ANKFN1: variants seen among roughly 807,000 people sequenced by gnomAD.
The protein encoded by ANKFN1 is ankyrin repeat and fibronectin type III domain containing 1.
Under a neutral mutation model 108.7 loss-of-function variants are expected in ANKFN1, and 74 were observed. That is an observed-to-expected ratio of 0.68 (90% CI 0.56 to 0.83). The LOEUF (loss-of-function observed/expected upper bound fraction) is 0.83. Ranked by LOEUF, ANKFN1 falls within the 40% of genes least tolerant of loss-of-function variation. The pLI, the probability that ANKFN1 is intolerant of heterozygous loss-of-function variation, is 0.00. For missense variants in ANKFN1, 1,505 were observed against 1,382.3 expected (o/e 1.09, Z -1.41); for synonymous variants, 547 against 516.2 (o/e 1.06, Z -0.81).
intron 1 of ANKFN1, among the ~76,000 whole-genome samples, chr17:56,166,729 A>G (rs988251615): frequency 6.6e-6 from 1 of 152,128 alleles, no homozygotes; most frequent in Non-Finnish European, 1.5e-5. Context: ...GAAGCTGGAC[A>G]TGACCATGCC....
intron 3 of ANKFN1, among the ~76,000 whole-genome samples, chr17:56,264,924 C>G (rs1426634041): frequency 6.6e-6 from 1 of 152,026 alleles, no homozygotes; most frequent in Non-Finnish European, 1.5e-5. Flanking sequence ...ACAGCATTAC[C>G]CTTCCCCAGC....
chr17:56,392,453 C>T (rs956029268), intron 8 of ANKFN1, among the ~76,000 whole-genome samples: 2 of 152,186 alleles, frequency 1.3e-5, no homozygotes, highest in African/African-American at 4.8e-5. Flanking sequence ...CATCTCCAGC[C>T]TTGGAGTGAA....
intron 3 of ANKFN1, among the ~76,000 whole-genome samples, chr17:56,243,565 G>A (rs1213769070): frequency 6.6e-6 from 1 of 152,116 alleles, no homozygotes; most frequent in Non-Finnish European, 1.5e-5. Flanking sequence ...CCCATCTTCA[G>A]ATACCTACTT....
chr17:56,111,224 C>G (rs1347206519), intron 4 of ANKFN1, among the ~76,000 whole-genome samples: 1 of 152,308 alleles, frequency 6.6e-6, no homozygotes, highest in East Asian at 1.9e-4. Flanking sequence ...GCTTGGGGCC[C>G]ATTCACACCC....
intron 3 of ANKFN1, among the ~76,000 whole-genome samples, chr17:56,294,962 T>G (rs2044464887): frequency 6.6e-6 from 1 of 152,200 alleles, no homozygotes; most frequent in South Asian, 2.1e-4. Context: ...GAAAATCCAA[T>G]TTCTGTGACA....
At chr17:56,289,042 C>A (rs1032709331) in intron 3 of ANKFN1, among the ~76,000 whole-genome samples, 1 of 152,116 alleles carries the variant, frequency 6.6e-6, no homozygotes, top group Non-Finnish European at 1.5e-5. Context: ...GGAAAGAAAC[C>A]CACTCAACCT....
At chr17:56,165,784 T>C (rs1910085480) in intron 1 of ANKFN1, among the ~76,000 whole-genome samples, 1 of 152,180 alleles carries the variant, frequency 6.6e-6, no homozygotes, top group Non-Finnish European at 1.5e-5. Context: ...TCAACATCAC[T>C]TTCCAGAACA....
chr17:56,310,173 C>G (rs772805381), intron 3 of ANKFN1, among the ~76,000 whole-genome samples: 6 of 152,198 alleles, frequency 3.9e-5, no homozygotes, highest in Non-Finnish European at 2.9e-5. Flanking sequence ...AAGATTTCAT[C>G]ATGCTACCCA....
chr17:56,149,463 A>T (rs116640506), upstream of ANKFN1, among the ~76,000 whole-genome samples: 3,708 of 152,278 alleles, frequency 0.024, 137 homozygotes, highest in African/African-American at 0.084. Flanking sequence ...AGGTACAGTC[A>T]CAGTATCATC....
chr17:56,159,812 G>T (rs1462941314), intron 1 of ANKFN1, among the ~76,000 whole-genome samples: 1 of 152,164 alleles, frequency 6.6e-6, no homozygotes, highest in Non-Finnish European at 1.5e-5. Flanking sequence ...AGAGAGAAAT[G>T]GGGCACTGTC....
intron 1 of ANKFN1, among the ~76,000 whole-genome samples, chr17:56,189,174 T>A (rs923971971): frequency 3.6e-5 from 4 of 110,896 alleles, no homozygotes; most frequent in African/African-American, 2.1e-4. Flanking sequence ...CCCTGACTTT[T>A]TTTTTTTTTT....
intron 4 of ANKFN1, among the ~76,000 whole-genome samples, chr17:56,046,539 C>A (rs2060069): frequency 0.43 from 64,687 of 151,768 alleles, 18,527 homozygotes; most frequent in African/African-American, 0.83. Context: ...GCAGGTGGGA[C>A]ATATTTTCTT....
intron 4 of ANKFN1, among the ~76,000 whole-genome samples, chr17:56,089,164 T>A (rs1037001720): frequency 2.6e-5 from 4 of 151,518 alleles, no homozygotes; most frequent in Non-Finnish European, 5.9e-5. Flanking sequence ...GTTCTAGTTA[T>A]CATGTCAAAA....
chr17:56,270,117 G>A (rs909711287), intron 3 of ANKFN1, among the ~76,000 whole-genome samples: 4 of 151,822 alleles, frequency 2.6e-5, no homozygotes, highest in Non-Finnish European at 5.9e-5. Flanking sequence ...TGGCATGTTC[G>A]TGCTTGAGTT....
intron 4 of ANKFN1, among the ~76,000 whole-genome samples, chr17:56,123,565 T>C (rs2143307259): frequency 6.6e-6 from 1 of 152,224 alleles, no homozygotes; most frequent in East Asian, 1.9e-4. Context: ...TGGGCCTTTA[T>C]CCAGTGAGAA....
At chr17:56,432,992 C>CTA (rs2048808993) in intron 8 of ANKFN1, among the ~76,000 whole-genome samples, 1 of 151,972 alleles carries the variant, frequency 6.6e-6, no homozygotes, top group Non-Finnish European at 1.5e-5. Context: ...GAGGAAAAAT[C>CTA]TATATATATA....
At chr17:56,356,342 A>C (rs1324217713) in intron 6 of ANKFN1, among the ~76,000 whole-genome samples, 1 of 152,198 alleles carries the variant, frequency 6.6e-6, no homozygotes, top group African/African-American at 2.4e-5. Context: ...TAAAAGAAAA[A>C]AGTAAACTCA....
intron 8 of ANKFN1, among the ~76,000 whole-genome samples, chr17:56,381,218 G>A (rs902238888): frequency 6.6e-6 from 1 of 152,200 alleles, no homozygotes; most frequent in African/African-American, 2.4e-5. Flanking sequence ...CAGACCTGCA[G>A]CTGAGGGTCC....
intron 1 of ANKFN1, among the ~76,000 whole-genome samples, chr17:56,181,731 T>C (rs977299155): frequency 1.3e-5 from 2 of 152,212 alleles, no homozygotes; most frequent in South Asian, 2.1e-4. Context: ...TATGTACGTA[T>C]ATATGTTTTT....
Sources: gnomAD v4.1 joint callset for allele counts (sites outside exome capture counted in the v4.1 genomes callset) on GRCh38, gnomAD v4.1.1 for gene constraint, MANE v1.5 for transcripts, NCBI Gene and HGNC (gene_info 2026-07-23, HGNC 2026-07-21) for gene names.